The following INSRR variants were observed in gnomAD, a reference collection of about 807,000 sequenced individuals.
The protein encoded by INSRR is insulin receptor related receptor.
A neutral mutation model predicts 130.0 loss-of-function variants in INSRR; 114 were observed. The observed-to-expected ratio is 0.88, with a 90% CI of 0.75 to 1.02. INSRR has a LOEUF of 1.02. INSRR is among the 50% of genes least tolerant of loss of function. The pLI is 0.00. For missense variants in INSRR, 1,657 were observed against 1,735.2 expected, an observed-to-expected ratio of 0.95 and a Z score of 0.80; for synonymous variants, 674 against 705.2, an observed-to-expected ratio of 0.96 and a Z score of 0.70.
Position 156,853,671 on chromosome 1 carries a change from C to T in INSRR, c.637+81G>A, listed in dbSNP as rs1482287707. 3 of 1,374,782 alleles carry T rather than the reference C, an allele frequency of 2.2e-6. No homozygotes were observed. The African/African-American group carries it at 4.3e-5, about 20-fold the overall frequency. The allele number at this position is 1,374,782 out of a possible 1,614,324, so 85.2% of individuals were successfully genotyped here. A position where few individuals can be genotyped will look rare whatever the true frequency, so the allele number is the denominator to read the frequency against. The stretch of plus-strand genomic sequence containing the variant: ...AACAGTGGCAGCTGAAAGTACTGAC[C>T]CACACCATCCTGTGGCCACCCAGCC... On this transcript the variant is annotated intron_variant, in intron 2 of 21. Transcript: ENST00000368195.
At chr1:156,843,509 G>C in intron 15 of INSRR, 30 bp from the exon 16 acceptor site, 1 of 1,611,096 alleles carries the variant, frequency 6.2e-7, no homozygotes, top group South Asian at 1.1e-5. Context: ...GGTCAGGCTG[G>C]AAGGGTTCTC....
intron 15 of INSRR, 134 bp from the exon 16 acceptor site, chr1:156,843,613 C>T (rs1023743220): frequency 1.0e-5 from 9 of 887,448 alleles, no homozygotes; most frequent in Non-Finnish European, 1.3e-5. Context: ...CAGGGTGACT[C>T]CTGGGGATCC....
chr1:156,854,047 T>A lies in INSRR; in HGVS notation c.342A>T (p.Ala114=). The stretch of plus-strand genomic sequence containing the variant: ...GATGTGGCATCTCAAAGATGACCAG[T>A]GCATAGCCCAGGAAGAGGCGCGTCC... The part of the protein sequence containing the change: ...IRGTRLFLGY[A]LVIFEMPHLR... Residue 114 remains alanine, a synonymous_variant, in exon 2 of 22, where the codon GCA becomes GCT. Transcript: ENST00000368195. This position sits in a 1 kb window ranked among gnomAD's most constrained non-coding sequence, Gnocchi z 4.2. 1 of 1,614,004 alleles carries A rather than the reference T, an allele frequency of 6.2e-7. No individual in the cohort carries two copies. The highest frequency in any genetic ancestry group is 8.5e-7 in the Non-Finnish European group (1 of 1,180,030).
In INSRR at chr1:156,854,211, T is replaced by C. The variant is rs2102870304; in HGVS notation, c.178A>G (p.Met60Val). The part of the protein sequence containing the change: ...VVEGHLQILL[M>V]FTATGEDFRG... ...AAGTCCTCCCCGGTGGCTGTGAACA[T>C]GAGCAGGATCTGCAGGTGGCCCTCC... Residue 60 changes from methionine (M) to valine (V), a missense_variant, in exon 2 of 22, where the codon ATG (methionine) becomes GTG (valine). Coordinates refer to ENST00000368195, the MANE Select transcript of INSRR (RefSeq NM_014215.3). This position sits in a 1 kb window ranked among gnomAD's most constrained non-coding sequence, Gnocchi z 4.2. The C allele has an allele frequency of 1.2e-6, 2 of 1,614,052 alleles. No individual in the cohort carries two copies. Among genetic ancestry groups the C allele is most frequent in the Non-Finnish European group, 1.7e-6 (2 of 1,180,020 alleles).
Position 156,841,013 on chromosome 1 carries a change from G to A in INSRR, c.3754C>T (p.Pro1252Ser), listed in dbSNP as rs1224524582. 1 of 1,609,614 alleles carries A rather than the reference G, an allele frequency of 6.2e-7. No homozygotes were observed. Among genetic ancestry groups the A allele is most frequent in the Non-Finnish European group, 8.5e-7 (1 of 1,177,934 alleles). Residue 1252 changes from proline (P) to serine (S), a missense_variant, in exon 22 of 22, where the codon CCC becomes TCC. Physicochemically the swap from Pro to Ser is moderately conservative, Grantham distance 74. Coordinates refer to ENST00000368195, the MANE Select transcript of INSRR (RefSeq NM_014215.3). ...TAGAAGGAGAGGAGGCGGAAGGAGG[G>A]CCGCAGCTCCTCCTGTATGCTGTCC... ...ILDSIQEELR[P>S]SFRLLSFYYS...
At chr1:156,851,474 G>A in intron 4 of INSRR, 40 bp from the exon 5 acceptor site, 1 of 1,613,178 alleles carries the variant, frequency 6.2e-7, no homozygotes. Context: ...GAGCAAGGAA[G>A]GTGATGGGTC....
chr1:156,858,702 C>T lies in INSRR; in HGVS notation c.-81G>A. ...GAACGGTGTGATAAGCCCTAAGGGA[C>T]ACAGAGACCAGGGTTCAGATAGGAG... On this transcript the variant is annotated 5_prime_UTR_variant, in exon 1 of 22. Transcript: ENST00000368195. 8.4e-7 allele frequency: 1 copy of T among 1,185,004 alleles called. No individual in the cohort carries two copies. 73.4% of individuals were successfully genotyped at this position (1,185,004 alleles called of 1,614,324 possible). A position where few individuals can be genotyped will look rare whatever the true frequency, so the allele number is the denominator to read the frequency against.
intron 1 of INSRR, among the ~76,000 whole-genome samples, chr1:156,856,172 G>A (rs1302805103): frequency 6.6e-6 from 1 of 152,072 alleles, no homozygotes; most frequent in Non-Finnish European, 1.5e-5. Context: ...TTTATTTATA[G>A]AAATAGATAT....
At position 156,851,670 on chromosome 1, in the gene INSRR, G is replaced by C. The variant is rs769724360; in HGVS notation, c.1060C>G (p.Leu354Val). ...LVGCTHVEGS[L>V]ILNLRQGYNL... ...CAGCCCTGGCGAAGGTTGAGGATGA[G>C]GCTTCCCTCCACATGCGTGCAGCCC... Residue 354 changes from leucine (L) to valine (V), a missense_variant, in exon 4 of 22, where the codon CTC (leucine) becomes GTC (valine). Transcript: ENST00000368195. 7.4e-6 allele frequency: 12 copies of C among 1,614,090 alleles called. No homozygotes were observed. The highest frequency in any genetic ancestry group is 8.5e-6 in the Non-Finnish European group (10 of 1,180,028).
chr1:156,848,380 T>C (rs1003929693), intron 7 of INSRR, among the ~76,000 whole-genome samples: 2 of 152,202 alleles, frequency 1.3e-5, no homozygotes, highest in Non-Finnish European at 2.9e-5. Context: ...CCTCTAAGGA[T>C]ATCTCCTTTT....
At chr1:156,847,603 T>C (rs938652153) in intron 7 of INSRR, among the ~76,000 whole-genome samples, 1 of 152,032 alleles carries the variant, frequency 6.6e-6, no homozygotes, top group African/African-American at 2.4e-5. Flanking sequence ...GTGGGGGAAC[T>C]TGTGGCCCAG....
At position 156,850,531 on chromosome 1, in the gene INSRR, A is replaced by T. The variant is rs1298184224; in HGVS notation, c.1229+759T>A. Among the ~76,000 whole-genome samples the T allele has an allele frequency of 2.6e-3, 251 of 97,006 alleles. 1 individual carries two copies. The highest frequency in any genetic ancestry group is 8.6e-3 in the African/African-American group (223 of 25,910). The allele number at this position is 97,006 out of a possible 152,430, so 63.6% of individuals were successfully genotyped here. A position where few individuals can be genotyped will look rare whatever the true frequency, so the allele number is the denominator to read the frequency against. ...CCCGACCTGGATGGTAATTTAAAACATTCTTTTTTTTTTTTTTTTTTTTTT... is the reference window on the plus strand; with the variant it reads ...CCCGACCTGGATGGTAATTTAAAACTTTCTTTTTTTTTTTTTTTTTTTTTT... On this transcript the variant is annotated intron_variant, in intron 5 of 21. Transcript: ENST00000368195.
At chr1:156,849,161 G>A (rs1655115034) in intron 6 of INSRR, 85 bp downstream of exon 6, 2 of 1,598,586 alleles carry the variant, frequency 1.3e-6, no homozygotes, top group Non-Finnish European at 8.5e-7. Context: ...TTCTCAGAGT[G>A]TCCCCCTCGA....
chr1:156,845,868 T>C (rs1341594931), intron 9 of INSRR, 54 bp from the exon 10 acceptor site: 1 of 1,598,390 alleles, frequency 6.3e-7, no homozygotes, highest in Non-Finnish European at 8.5e-7. Context: ...CCGCCTCTGA[T>C]CCCCCCCACC....
In INSRR at chr1:156,849,373, C is replaced by G. The variant is rs148814291; in HGVS notation, c.1317G>C (p.Lys439Asn). The G allele has an allele frequency of 3.7e-5, 60 of 1,613,834 alleles. No homozygotes were observed. Among genetic ancestry groups the G allele is most frequent in the Non-Finnish European group, 4.9e-5 (58 of 1,180,014 alleles). Residue 439 changes from lysine to asparagine, a missense_variant, in exon 6 of 22, where the codon AAG becomes AAC. Coordinates refer to ENST00000368195, the MANE Select transcript of INSRR (RefSeq NM_014215.3). Reference sequence around the variant, plus strand: ...GGCGCGGGTTGAAGGCGAAGTAGATCTTGCCCACGGGAATGGTGAGCCCCG... The same window carrying G: ...GGCGCGGGTTGAAGGCGAAGTAGATGTTGCCCACGGGAATGGTGAGCCCCG... ...VAAGLTIPVG[K>N]IYFAFNPRLC... is the part of the protein sequence containing the mutation.
rs1160318683 is a variant in INSRR at position 156,844,278 on chromosome 1, C to T, written c.2740G>A (p.Glu914Lys). Reference sequence around the variant, plus strand: ...ACATGCAGCCCCCCAGCATCCTCCTCCTCTGGCAGTCAGAGGGCAGCAGAG... The same window carrying T: ...ACATGCAGCCCCCCAGCATCCTCCTTCTCTGGCAGTCAGAGGGCAGCAGAG... Reference protein sequence around the residue: ...SVAFYILGPEEEDAGGLHVLL... With the variant: ...SVAFYILGPEKEDAGGLHVLL... The change falls in exon 15 of 22, where the codon GAG becomes AAG. Residue 914 changes from glutamate (E) to lysine (K), a missense_variant and splice_region_variant. Physicochemically the swap from Glu to Lys is moderately conservative, Grantham distance 56 (BLOSUM62 1). Coordinates refer to ENST00000368195, the MANE Select transcript of INSRR (RefSeq NM_014215.3). The T allele has an allele frequency of 1.2e-6, 2 of 1,612,312 alleles. No homozygotes were observed. The highest frequency in any genetic ancestry group is 2.2e-5 in the East Asian group (1 of 44,878).
At chr1:156,841,202 G>A in intron 21 of INSRR, 98 bp from the exon 22 acceptor site, 1 of 1,049,440 alleles carries the variant, frequency 9.5e-7, no homozygotes, top group South Asian at 1.4e-5. Flanking sequence ...TGGGGATCGT[G>A]GGCCATTATG....
rs1188069805 is a variant in INSRR at position 156,843,497 on chromosome 1, G to T, written c.2844-18C>A. 1 of 1,614,044 alleles carries T rather than the reference G, an allele frequency of 6.2e-7. No individual in the cohort carries two copies. The highest frequency in any genetic ancestry group is 8.5e-7 in the Non-Finnish European group (1 of 1,179,864). On this transcript the variant is annotated intron_variant, in intron 15 of 21. Transcript: ENST00000368195. ...TTCTGTTTCTGCAACGGGAGGTGAG[G>T]GGGTCAGGCTGGAAGGGTTCTCAGG...
At chr1:156,848,498 C>T (rs1382054426) in intron 7 of INSRR, among the ~76,000 whole-genome samples, 2 of 152,182 alleles carry the variant, frequency 1.3e-5, no homozygotes, top group Non-Finnish European at 2.9e-5. Context: ...TGGTCCCTGG[C>T]GGCCCCTGCT....
Sources: gnomAD v4.1 joint callset for allele counts (sites outside exome capture counted in the v4.1 genomes callset) on GRCh38, gnomAD v4.1.1 for gene constraint, Gnocchi (gnomAD v3.1) non-coding constraint, MANE v1.5 for transcripts, NCBI Gene and HGNC (gene_info 2026-07-23, HGNC 2026-07-21) for gene names.